Variants in PELP1 observed in about 807,000 individuals in gnomAD.
PELP1 encodes the protein proline, glutamate and leucine rich protein 1.
PELP1 carries 32 observed loss-of-function variants against 95.5 expected under a neutral mutation model. The ratio of observed to expected loss-of-function variants is 0.34; its 90% confidence interval spans 0.25 to 0.45. PELP1 has a LOEUF of 0.45. PELP1 is among the 20% of genes least tolerant of loss of function. The pLI, the probability that PELP1 is intolerant of heterozygous loss-of-function variation, is 1.00. For synonymous variants in PELP1, 668 were observed against 600.1 expected (o/e 1.11, Z -1.65); for missense variants, 1,358 against 1,444.8 (o/e 0.94, Z 0.97).
chr17:4,672,366 TTCCAGGGCTGGG>T lies in PELP1; in HGVS notation c.2613_2624del (p.Pro872_Glu875del). ...TGATATTAATAACTGTCAAATCCTC[TTCCAGGGCTGGG>T]GGTCCTCCCCCACCAGGAGTCCCTT... On this transcript the variant is annotated inframe_deletion, in exon 16 of 17. Transcript: ENST00000572293. The T allele has an allele frequency of 6.4e-7, 1 of 1,553,740 alleles. No individual in the cohort carries two copies. Among genetic ancestry groups the T allele is most frequent in the Non-Finnish European group, 8.7e-7 (1 of 1,148,138 alleles).
Position 4,675,109 on chromosome 17 carries a change from G to A in PELP1, c.1244C>T (p.Ser415Phe). ...VLNSWSIGRD[S>F]LSPGQERPYS... ...AGGCCTCTCCTGGCCTGGAGAGAGG[G>A]AATCTCTACCGATGCTCCAGGAATT... Residue 415 changes from serine to phenylalanine, a missense_variant, in exon 11 of 17, where the codon TCC becomes TTC. By Grantham distance (155) the Ser-to-Phe change is radical (BLOSUM62 -2). Transcript: ENST00000572293. This position sits in a 1 kb window ranked among gnomAD's most constrained non-coding sequence, Gnocchi z 4.3. The A allele has an allele frequency of 6.2e-7, 1 of 1,613,860 alleles. No individual in the cohort carries two copies. Among genetic ancestry groups the A allele is most frequent in the Non-Finnish European group, 8.5e-7 (1 of 1,179,840 alleles).
At chr17:4,698,186 C>T (rs1048464459) in intron 1 of PELP1, among the ~76,000 whole-genome samples, 1 of 151,952 alleles carries the variant, frequency 6.6e-6, no homozygotes, top group African/African-American at 2.4e-5. Flanking sequence ...TTGCTGAAAA[C>T]GCACAAATCT....
intron 3 of PELP1, among the ~76,000 whole-genome samples, chr17:4,683,461 T>C (rs557154423): frequency 8.0e-4 from 121 of 150,802 alleles, no homozygotes; most frequent in East Asian, 1.6e-3. Flanking sequence ...CCTCGTGATC[T>C]GCCCGCCTTG....
chr17:4,703,286 C>G (rs1447908770), intron 1 of PELP1, among the ~76,000 whole-genome samples: 1 of 152,146 alleles, frequency 6.6e-6, no homozygotes, highest in Non-Finnish European at 1.5e-5. Context: ...AACAGCCCCT[C>G]CCATATTTTT....
chr17:4,693,332 C>A (rs1306574191), intron 1 of PELP1, among the ~76,000 whole-genome samples: 2 of 152,214 alleles, frequency 1.3e-5, no homozygotes, highest in Non-Finnish European at 2.9e-5. Context: ...TGCAGCAGCG[C>A]CCCCTTATCT....
chr17:4,671,709 G>C lies in PELP1; in HGVS notation c.3282C>G (p.Ala1094=), dbSNP rs372694155. 5.1e-6 allele frequency: 8 copies of C among 1,559,232 alleles called. No individual in the cohort carries two copies. In the East Asian group the frequency reaches 1.8e-4, roughly 35 times the overall value. The change falls in exon 16 of 17, where the codon GCC becomes GCG. Residue 1094 remains alanine, a synonymous_variant. Coordinates refer to ENST00000572293, the MANE Select transcript of PELP1 (RefSeq NM_014389.3). ...AEEEMETETE[A]EALQEKEQDD... Reference sequence around the variant, plus strand: ...CTCTCACCTTTTCCTGGAGAGCTTCGGCCTCTGTCTCTGTCTCCATCTCTT... The same window carrying C: ...CTCTCACCTTTTCCTGGAGAGCTTCCGCCTCTGTCTCTGTCTCCATCTCTT...
intron 3 of PELP1, among the ~76,000 whole-genome samples, chr17:4,689,213 T>C (rs996602941): frequency 1.3e-5 from 2 of 152,162 alleles, no homozygotes; most frequent in African/African-American, 4.8e-5. Context: ...AGGACTTAAA[T>C]CTAAGACCTG....
In PELP1 at chr17:4,671,206, C is replaced by T; in HGVS notation, c.*233G>A. 1 of 564,784 alleles carries T rather than the reference C, an allele frequency of 1.8e-6. No individual in the cohort carries two copies. The highest frequency in any genetic ancestry group is 3.2e-6 in the Non-Finnish European group (1 of 317,402). The allele number at this position is 564,784 out of a possible 1,614,324, so 35.0% of individuals were successfully genotyped here. On this transcript the variant is annotated 3_prime_UTR_variant, in exon 17 of 17. Coordinates refer to ENST00000572293, the MANE Select transcript of PELP1 (RefSeq NM_014389.3). ...CAGCCAGAATCCTACAATTCTGACACCATCGTGCTGAGTGATGGGACAGTC... is the reference window on the plus strand; with the variant it reads ...CAGCCAGAATCCTACAATTCTGACATCATCGTGCTGAGTGATGGGACAGTC...
rs961016429 is a variant in PELP1 at position 4,670,515 on chromosome 17, G to A, written c.*924C>T. 18 of 152,180 alleles carry A rather than the reference G, an allele frequency of 1.2e-4. No individual in the cohort carries two copies. Among genetic ancestry groups the A allele is most frequent in the Admixed American group, 2.6e-4 (4 of 15,266 alleles). 9.4% of individuals were successfully genotyped at this position (152,180 alleles called of 1,614,324 possible). The stretch of plus-strand genomic sequence containing the variant: ...CAAGGCAGGTGGACCATGAGCTCAG[G>A]AGTTCAAGACCAGCCTGGCCAACAT... On this transcript the variant is annotated 3_prime_UTR_variant, in exon 17 of 17. Transcript: ENST00000572293.
At position 4,670,105 on chromosome 17, in the gene PELP1, T is replaced by C. The variant is rs908222790; in HGVS notation, c.*1334A>G. On this transcript the variant is annotated 3_prime_UTR_variant, in exon 17 of 17. Coordinates refer to ENST00000572293, the MANE Select transcript of PELP1 (RefSeq NM_014389.3). ...AATTGGCAAATCTAGGCAAAGGTTA[T>C]CTATTATACTGTTCTCACTTTTCTG... 9.2e-4 allele frequency: 140 copies of C among 152,286 alleles called. 1 individual carries two copies. Among genetic ancestry groups the C allele is most frequent in the African/African-American group, 3.4e-3 (140 of 41,578 alleles). 9.4% of individuals were successfully genotyped at this position (152,286 alleles called of 1,614,324 possible).
rs1292954520 is a variant in PELP1 at position 4,674,681 on chromosome 17, G to T, written c.1423-12C>A. The T allele has an allele frequency of 6.3e-7, 1 of 1,592,816 alleles. No homozygotes were observed. Among genetic ancestry groups the T allele is most frequent in the Non-Finnish European group, 8.5e-7 (1 of 1,172,810 alleles). On this transcript the variant is annotated splice_polypyrimidine_tract_variant and intron_variant, in intron 12 of 16. Coordinates refer to ENST00000572293, the MANE Select transcript of PELP1 (RefSeq NM_014389.3). ...CGCGGGCTACGCAGCTGGAGGCAGA[G>T]AAAACATAAATCACATCCACAGGCA...
chr17:4,672,694 A>G lies in PELP1; in HGVS notation c.2297T>C (p.Val766Ala), dbSNP rs745573671. The change falls in exon 16 of 17, where the codon GTC becomes GCC. Residue 766 changes from valine to alanine, a missense_variant. Val to Ala is a moderately conservative substitution (Grantham distance 64, BLOSUM62 0). Transcript: ENST00000572293. ...AGATGCCTCCTCCTTGTCATAGTGG[A>G]CAAAGGCTGGTCTGGGCACTCTCCC... ...FGGRVPRPAFVHYDKEEASDV... is the reference protein window; with the variant it reads ...FGGRVPRPAFAHYDKEEASDV... 4.3e-6 allele frequency: 7 copies of G among 1,613,322 alleles called. No individual in the cohort carries two copies. The highest frequency in any genetic ancestry group is 2.7e-5 in the African/African-American group (2 of 74,912).
chr17:4,682,720 G>A, intron 4 of PELP1, 83 bp downstream of exon 4: 1 of 1,469,684 alleles, frequency 6.8e-7, no homozygotes, highest in Admixed American at 2.2e-5. Context: ...CTATTCCCCA[G>A]TCACTTCCAT....
Position 4,675,459 on chromosome 17 carries a change from G to A in PELP1, c.1069-97C>T, listed in dbSNP as rs371574343. 8.2e-5 allele frequency: 67 copies of A among 821,306 alleles called. No individual in the cohort carries two copies. In the African/African-American group the frequency reaches 1.0e-3, roughly 12 times the overall value. 50.9% of individuals were successfully genotyped at this position (821,306 alleles called of 1,614,324 possible). A position where few individuals can be genotyped will look rare whatever the true frequency, so the allele number is the denominator to read the frequency against. On this transcript the variant is annotated intron_variant, in intron 9 of 16. Transcript: ENST00000572293. The surrounding 1 kb of genome is among the most constrained non-coding windows in gnomAD (Gnocchi z 4.3). The stretch of plus-strand genomic sequence containing the variant: ...ATGACCATTTACATATGTACACATA[G>A]GTAAGAAACCCAACCCCTGATCTCA...
chr17:4,682,765 C>CG, intron 4 of PELP1, 38 bp downstream of exon 4: 2 of 1,534,968 alleles, frequency 1.3e-6, no homozygotes, highest in South Asian at 1.3e-5. Flanking sequence ...GTGAGGACTG[C>CG]GGGGGGCCAT....
chr17:4,700,269 G>C (rs377370477), intron 1 of PELP1, among the ~76,000 whole-genome samples: 2 of 152,310 alleles, frequency 1.3e-5, no homozygotes, highest in African/African-American at 4.8e-5. Flanking sequence ...GCCAGGTGCA[G>C]TGGCTCATCC....
At chr17:4,703,800 C>G in intron 1 of PELP1, 63 bp downstream of exon 1, 1 of 1,433,208 alleles carries the variant, frequency 7.0e-7, no homozygotes, top group Admixed American at 2.1e-5. Context: ...CACCGTAATC[C>G]CGGCGCACAG....
rs113044062 is a variant in PELP1, at chr17:4,675,638, G to A, written c.1068+159C>T. 19 of 723,094 alleles carry A rather than the reference G, an allele frequency of 2.6e-5. No homozygotes were observed. Among genetic ancestry groups the A allele is most frequent in the African/African-American group, 8.7e-5 (5 of 57,552 alleles). 44.8% of individuals were successfully genotyped at this position (723,094 alleles called of 1,614,324 possible). On this transcript the variant is annotated intron_variant, in intron 9 of 16. Coordinates refer to ENST00000572293, the MANE Select transcript of PELP1 (RefSeq NM_014389.3). The surrounding 1 kb of genome is among the most constrained non-coding windows in gnomAD (Gnocchi z 4.3). ...CTACACTCTGACACTGTGCTCCTGT[G>A]TCACGACACATAGGAAGTGATGTTA...
At chr17:4,702,675 C>A (rs1973556) in intron 1 of PELP1, among the ~76,000 whole-genome samples, 148,821 of 152,260 alleles carry the variant, frequency 0.98, 72,813 homozygotes, top group Middle Eastern at 1. Flanking sequence ...AGGTTATTGA[C>A]CCACCCAGCA....
Sources: gnomAD v4.1 joint callset for allele counts (sites outside exome capture counted in the v4.1 genomes callset) on GRCh38, gnomAD v4.1.1 for gene constraint, Gnocchi (gnomAD v3.1) non-coding constraint, MANE v1.5 for transcripts, NCBI Gene and HGNC (gene_info 2026-07-23, HGNC 2026-07-21) for gene names.